Variants in PTPRO observed in about 807,000 individuals in gnomAD.
PTPRO encodes the protein receptor-type tyrosine-protein phosphatase O.
Under a neutral mutation model 145.2 loss-of-function variants are expected in PTPRO, and 62 were observed. That is an observed-to-expected ratio of 0.43 (90% CI 0.35 to 0.53). The LOEUF (loss-of-function observed/expected upper bound fraction) is 0.53. PTPRO is among the 20% of genes least tolerant of loss of function. The pLI is 0.01. For missense variants in PTPRO, 1,345 were observed against 1,482.7 expected (o/e 0.91, Z 1.53); for synonymous variants, 565 against 514.7 (o/e 1.10, Z -1.32).
chr12:15,339,361 G>T (rs1387872422), intron 1 of PTPRO, among the ~76,000 whole-genome samples: 3 of 152,148 alleles, frequency 2.0e-5, no homozygotes, highest in Non-Finnish European at 4.4e-5. Flanking sequence ...TGAAAAGGTG[G>T]TTTTGCCCAG....
chr12:15,444,171 A>G (rs539926769), intron 1 of PTPRO, among the ~76,000 whole-genome samples: 2 of 152,230 alleles, frequency 1.3e-5, no homozygotes, highest in South Asian at 4.1e-4. Context: ...GAACAAAATT[A>G]TGTCCTTTTC....
intron 1 of PTPRO, among the ~76,000 whole-genome samples, chr12:15,476,350 G>A (rs1054874838): frequency 1.2e-4 from 19 of 152,094 alleles, no homozygotes; most frequent in Admixed American, 2.6e-4. Context: ...CTAGAGGGAG[G>A]GCTCTTTGCT....
chr12:15,322,631 C>A lies in PTPRO; in HGVS notation c.-96C>A. 2 of 1,080,302 alleles carry A rather than the reference C, an allele frequency of 1.9e-6. No homozygotes were observed. Among genetic ancestry groups the A allele is most frequent in the South Asian group, 1.3e-5 (1 of 74,674 alleles). The allele number at this position is 1,080,302 out of a possible 1,614,324, so 66.9% of individuals were successfully genotyped here. On this transcript the variant is annotated 5_prime_UTR_variant, in exon 1 of 27. Coordinates refer to ENST00000281171, the MANE Select transcript of PTPRO (RefSeq NM_030667.3). This position sits in a 1 kb window ranked among gnomAD's most constrained non-coding sequence, Gnocchi z 6.3. ...GCTCGCCAGGAGCAACCTCGGCGCC[C>A]AGGGTCTGAGGCTGCAGCCCCAGTT...
At chr12:15,376,097 A>T (rs1481169257) in intron 1 of PTPRO, among the ~76,000 whole-genome samples, 1 of 152,212 alleles carries the variant, frequency 6.6e-6, no homozygotes, top group African/African-American at 2.4e-5. Context: ...TTTGAAGAAA[A>T]TCATAGCCAT....
At chr12:15,595,220 C>T (rs1565453311) in intron 26 of PTPRO, 163 bp downstream of exon 26, 3 of 639,350 alleles carry the variant, frequency 4.7e-6, no homozygotes, top group Non-Finnish European at 8.6e-6. Flanking sequence ...CAGGGAGAAA[C>T]AAGTACTGTA....
chr12:15,419,456 T>G (rs1940072447), intron 1 of PTPRO, among the ~76,000 whole-genome samples: 1 of 151,570 alleles, frequency 6.6e-6, no homozygotes, highest in African/African-American at 2.4e-5. Context: ...AAAATTTCAT[T>G]ACGCATAAGA....
rs199558492 is a variant in PTPRO at position 15,516,813 on chromosome 12, G to A, written c.1636G>A (p.Val546Met). ...GCTCTATCCTTTGGGTCCTACGGCC[G>A]TGGTTCTGAGCTGGACCAGACCTTA... ...LMLYPLGPTA[V>M]VLSWTRPYLG... The change falls in exon 9 of 27, where the codon GTG becomes ATG. Residue 546 changes from valine to methionine, a missense_variant. This residue lies in a region of PTPRO where 1,130 missense variants were observed against 1,214.7 expected (regional missense o/e 0.93). Transcript: ENST00000281171. The A allele has an allele frequency of 4.3e-5, 70 of 1,612,260 alleles. No individual in the cohort carries two copies. Among genetic ancestry groups the A allele is most frequent in the East Asian group, 6.7e-5 (3 of 44,890 alleles).
At chr12:15,541,361 T>C (rs1943176688) in intron 12 of PTPRO, among the ~76,000 whole-genome samples, 1 of 152,222 alleles carries the variant, frequency 6.6e-6, no homozygotes, top group Admixed American at 6.5e-5. Context: ...TTTGATATTT[T>C]ATAGGGTTTT....
At chr12:15,553,785 A>G (rs1419923515) in intron 15 of PTPRO, among the ~76,000 whole-genome samples, 2 of 152,208 alleles carry the variant, frequency 1.3e-5, no homozygotes, top group African/African-American at 2.4e-5. Flanking sequence ...GGTAGCCAGG[A>G]ATCCAGGCAA....
intron 1 of PTPRO, among the ~76,000 whole-genome samples, chr12:15,376,878 G>T (rs1338029595): frequency 6.6e-6 from 1 of 152,108 alleles, no homozygotes; most frequent in African/African-American, 2.4e-5. Context: ...ATATATAAAT[G>T]TTAAGAAGAC....
At chr12:15,398,701 T>A (rs551192599) in intron 1 of PTPRO, among the ~76,000 whole-genome samples, 10 of 149,970 alleles carry the variant, frequency 6.7e-5, no homozygotes, top group South Asian at 4.3e-4. Flanking sequence ...TTTTTTTTTT[T>A]ATTTTGCGCC....
chr12:15,547,963 T>C (rs565980791), intron 13 of PTPRO, among the ~76,000 whole-genome samples: 1 of 152,332 alleles, frequency 6.6e-6, no homozygotes, highest in South Asian at 2.1e-4. Flanking sequence ...TCCACCAAGT[T>C]AGCAACTTCT....
chr12:15,562,646 T>A (rs1943802635), intron 17 of PTPRO, among the ~76,000 whole-genome samples: 1 of 152,140 alleles, frequency 6.6e-6, no homozygotes, highest in Admixed American at 6.6e-5. Flanking sequence ...GATTGTGTTC[T>A]GCAAGGATTT....
At chr12:15,386,806 C>T (rs142342749) in intron 1 of PTPRO, among the ~76,000 whole-genome samples, 3 of 152,288 alleles carry the variant, frequency 2.0e-5, no homozygotes, top group Non-Finnish European at 4.4e-5. Flanking sequence ...GATAATGATG[C>T]TCAATAGTTA....
At chr12:15,572,967 GGC>G in intron 19 of PTPRO, among the ~76,000 whole-genome samples, 1 of 152,174 alleles carries the variant, frequency 6.6e-6, no homozygotes, top group Non-Finnish European at 1.5e-5. Flanking sequence ...AATTGTCCTA[GGC>G]CGAAAGTGTT....
intron 1 of PTPRO, among the ~76,000 whole-genome samples, chr12:15,412,317 A>G (rs1487311022): frequency 6.6e-6 from 1 of 152,252 alleles, no homozygotes; most frequent in East Asian, 1.9e-4. Context: ...GTGTTTCAAG[A>G]CAAATAAAAT....
In PTPRO at chr12:15,524,890, T is replaced by C. The variant is rs1347618532; in HGVS notation, c.1968T>C (p.Asp656=). 7 of 1,613,682 alleles carry C rather than the reference T, an allele frequency of 4.3e-6. No homozygotes were observed. The highest frequency in any genetic ancestry group is 5.9e-6 in the Non-Finnish European group (7 of 1,179,590). ...LLYISWTYGD[D]TTDLSHSRML... ...ATATCAGTTGGACATATGGGGATGA[T>C]ACAACGGACTTGTCCCATTCTAGAA... The change falls in exon 11 of 27, where the codon GAT becomes GAC. Residue 656 remains aspartate, a synonymous_variant. Transcript: ENST00000281171.
In PTPRO at chr12:15,459,660, C is replaced by T. The variant is rs184017915; in HGVS notation, c.76-24314C>T. On this transcript the variant is annotated intron_variant, in intron 1 of 26. Coordinates refer to ENST00000281171, the MANE Select transcript of PTPRO (RefSeq NM_030667.3). Reference sequence around the variant, plus strand: ...TGAATCACTGGGTTTATGATGGGAACGAAGATCCAAGTCTTCCTATTCTGC... The same window carrying T: ...TGAATCACTGGGTTTATGATGGGAATGAAGATCCAAGTCTTCCTATTCTGC... Among the ~76,000 whole-genome samples, 382 of 152,268 alleles carry T rather than the reference C, an allele frequency of 2.5e-3. 1 individual carries two copies. Among genetic ancestry groups the T allele is most frequent in the African/African-American group, 8.9e-3 (369 of 41,562 alleles).
At chr12:15,505,890 C>T (rs1205824711) in intron 6 of PTPRO, among the ~76,000 whole-genome samples, 1 of 152,056 alleles carries the variant, frequency 6.6e-6, no homozygotes, top group African/African-American at 2.4e-5. Context: ...GAATGCCTTC[C>T]CAGAGATGAG....
Sources: gnomAD v4.1 joint callset for allele counts (sites outside exome capture counted in the v4.1 genomes callset) on GRCh38, gnomAD v4.1.1 for gene constraint, gnomAD v4.1.1 regional missense constraint, Gnocchi (gnomAD v3.1) non-coding constraint, MANE v1.5 for transcripts, NCBI Gene and HGNC (gene_info 2026-07-23, HGNC 2026-07-21) for gene names.